The following KIAA1217 variants were observed in gnomAD, a reference collection of about 807,000 sequenced individuals.
The protein encoded by KIAA1217 is sickle tail protein homolog.
KIAA1217 carries 88 observed loss-of-function variants against 163.9 expected under a neutral mutation model. The ratio of observed to expected loss-of-function variants is 0.54; its 90% CI spans 0.45 to 0.64. The LOEUF (loss-of-function observed/expected upper bound fraction) is 0.64, where lower values mean the gene tolerates loss of function less well. Ranked by LOEUF, KIAA1217 falls within the 30% of genes least tolerant of loss-of-function variation. The pLI is 0.00. For synonymous variants in KIAA1217, 903 were observed against 923.1 expected, an observed-to-expected ratio of 0.98 and a Z score of 0.39; for missense variants, 2,372 against 2,475.0, an observed-to-expected ratio of 0.96 and a Z score of 0.88.
chr10:24,124,867 A>G (rs911538902), intron 2 of KIAA1217, among the ~76,000 whole-genome samples: 1 of 152,186 alleles, frequency 6.6e-6, no homozygotes, highest in African/African-American at 2.4e-5. Context: ...AGACTTACTC[A>G]TTTTATATTA....
intron 3 of KIAA1217, among the ~76,000 whole-genome samples, chr10:24,411,060 A>G (rs900261615): frequency 1.3e-5 from 2 of 152,236 alleles, no homozygotes; most frequent in Non-Finnish European, 2.9e-5. Flanking sequence ...ACAGACCTGA[A>G]GTCAGCAAAG....
intron 1 of KIAA1217, among the ~76,000 whole-genome samples, chr10:23,703,638 A>T (rs1836640009): frequency 6.6e-6 from 1 of 152,184 alleles, no homozygotes; most frequent in Non-Finnish European, 1.5e-5. Context: ...TCTCGTGAAT[A>T]TGTACAAACT....
intron 5 of KIAA1217, among the ~76,000 whole-genome samples, chr10:24,463,583 C>T (rs1296634464): frequency 6.6e-6 from 1 of 152,208 alleles, no homozygotes; most frequent in Non-Finnish European, 1.5e-5. Flanking sequence ...GTAATAATCC[C>T]TTCCCTTCCT....
At chr10:23,908,106 A>G (rs948752903) in intron 1 of KIAA1217, among the ~76,000 whole-genome samples, 11 of 152,238 alleles carry the variant, frequency 7.2e-5, no homozygotes, top group African/African-American at 2.6e-4. Flanking sequence ...GGCAGAGGAA[A>G]GAGGCAAGGT....
chr10:24,363,980 CT>C (rs11413263), intron 2 of KIAA1217, among the ~76,000 whole-genome samples: 1,966 of 144,566 alleles, frequency 0.014, 29 homozygotes, highest in East Asian at 0.069. Context: ...GTCTCATCCA[CT>C]TTTTTTTTTT....
chr10:24,459,546 T>C (rs59812842), intron 5 of KIAA1217, among the ~76,000 whole-genome samples: 27,322 of 152,154 alleles, frequency 0.18, 2,564 homozygotes, highest in East Asian at 0.26. Context: ...GTAGCTACTC[T>C]GTAAATATAT....
intron 3 of KIAA1217, among the ~76,000 whole-genome samples, chr10:24,411,832 C>T (rs2131343343): frequency 6.6e-6 from 1 of 151,978 alleles, no homozygotes; most frequent in East Asian, 1.9e-4. Context: ...TTGGGTCTTG[C>T]TGTAAACATT....
chr10:24,475,797 T>C (rs1461884446), intron 6 of KIAA1217, among the ~76,000 whole-genome samples: 1 of 152,122 alleles, frequency 6.6e-6, no homozygotes, highest in Non-Finnish European at 1.5e-5. Flanking sequence ...TACCAAGATG[T>C]GCGATAAGTC....
chr10:24,015,845 C>G (rs181647184), intron 2 of KIAA1217, among the ~76,000 whole-genome samples: 1 of 151,694 alleles, frequency 6.6e-6, no homozygotes, highest in South Asian at 2.1e-4. Context: ...AGAACCTAGT[C>G]CTAAGGCCAC....
chr10:24,270,744 A>C (rs2076697478), intron 2 of KIAA1217, among the ~76,000 whole-genome samples: 1 of 152,010 alleles, frequency 6.6e-6, no homozygotes, highest in South Asian at 2.1e-4. Flanking sequence ...ATGGGGTTTC[A>C]CCATGTTACC....
intron 2 of KIAA1217, among the ~76,000 whole-genome samples, chr10:24,324,028 A>G (rs2044533728): frequency 6.6e-6 from 1 of 152,136 alleles, no homozygotes; most frequent in Admixed American, 6.5e-5. Flanking sequence ...GCAATTTGGG[A>G]GGCCAAGGTG....
chr10:23,800,940 G>A (rs573645930), intron 1 of KIAA1217, among the ~76,000 whole-genome samples: 84 of 152,130 alleles, frequency 5.5e-4, no homozygotes, highest in African/African-American at 1.8e-3. Flanking sequence ...ATCTAGAACC[G>A]GAAATACCAT....
At chr10:23,847,505 T>G (rs1839097713) in intron 1 of KIAA1217, among the ~76,000 whole-genome samples, 1 of 152,220 alleles carries the variant, frequency 6.6e-6, no homozygotes, top group Non-Finnish European at 1.5e-5. Context: ...TTTTCTAGTT[T>G]ATTTGCATAG....
At chr10:24,087,918 C>T (rs187933512) in intron 2 of KIAA1217, among the ~76,000 whole-genome samples, 3 of 127,434 alleles carry the variant, frequency 2.4e-5, no homozygotes, top group South Asian at 2.5e-4. Context: ...CTGTGGTGGC[C>T]TCCCAAGCCT....
chr10:24,455,293 T>A (rs2061682627), intron 5 of KIAA1217, among the ~76,000 whole-genome samples: 1 of 152,188 alleles, frequency 6.6e-6, no homozygotes, highest in South Asian at 2.1e-4. Context: ...ACATAGAGTA[T>A]CTTAATATAA....
At chr10:24,372,386 T>G (rs1207875463) in intron 2 of KIAA1217, among the ~76,000 whole-genome samples, 2 of 152,188 alleles carry the variant, frequency 1.3e-5, no homozygotes, top group Admixed American at 1.3e-4. Flanking sequence ...TCTGGTGCGT[T>G]TCAGTTCTTT....
intron 5 of KIAA1217, among the ~76,000 whole-genome samples, chr10:24,454,470 A>G (rs1195328617): frequency 1.3e-5 from 2 of 152,342 alleles, no homozygotes; most frequent in South Asian, 2.1e-4. Flanking sequence ...TTGATAGAGT[A>G]GGAAGAGTTA....
intron 2 of KIAA1217, among the ~76,000 whole-genome samples, chr10:24,096,826 A>AT (rs772644001): frequency 8.5e-5 from 13 of 152,118 alleles, no homozygotes; most frequent in Non-Finnish European, 1.6e-4. Flanking sequence ...CTGAGCATTT[A>AT]TTTTTTCCTA....
intron 2 of KIAA1217, among the ~76,000 whole-genome samples, chr10:24,113,409 C>T (rs1564716054): frequency 6.6e-6 from 1 of 152,154 alleles, no homozygotes; most frequent in East Asian, 1.9e-4. Flanking sequence ...AATTCTGCCA[C>T]CTCAACAACA....
Sources: allele counts gnomAD v4.1 joint callset (sites outside exome capture counted in the v4.1 genomes callset), GRCh38; gene constraint gnomAD v4.1.1; transcripts MANE v1.5; gene names NCBI Gene and HGNC (gene_info 2026-07-23, HGNC 2026-07-21).